The following LGR5 variants were observed in gnomAD, a reference collection of about 807,000 sequenced individuals.
LGR5 encodes the protein leucine rich repeat containing G protein-coupled receptor 5.
A neutral mutation model predicts 76.7 loss-of-function variants in LGR5; 54 were observed. The ratio of observed to expected loss-of-function variants is 0.70; its 90% confidence interval spans 0.57 to 0.88. The LOEUF (loss-of-function observed/expected upper bound fraction) is 0.88, where lower values mean the gene tolerates loss of function less well. Among genes scored for constraint, LGR5 ranks in the 40% least tolerant of loss-of-function variants. The pLI, the probability that LGR5 is intolerant of heterozygous loss-of-function variation, is 0.00. For missense variants in LGR5, 1,078 were observed against 1,073.3 expected (o/e 1.00, Z -0.06); for synonymous variants, 406 against 421.9 (o/e 0.96, Z 0.46).
chr12:71,543,402 C>T (rs1320164511), intron 4 of LGR5, among the ~76,000 whole-genome samples: 1 of 152,106 alleles, frequency 6.6e-6, no homozygotes, highest in Non-Finnish European at 1.5e-5. Context: ...CAGGAAAGAA[C>T]CATGATATTA....
Position 71,572,854 on chromosome 12 carries a change from C to G in LGR5, c.1141C>G (p.Leu381Val). 2.5e-6 allele frequency: 4 copies of G among 1,612,648 alleles called. No homozygotes were observed. The highest frequency in any genetic ancestry group is 3.4e-6 in the Non-Finnish European group (4 of 1,178,816). Reference sequence around the variant, plus strand: ...TTTGGAACCCTGTCATTTCAGTGACCTAAGACATAATGAAATCTACGAAAT... The same window carrying G: ...TTTGGAACCCTGTCATTTCAGTGACGTAAGACATAATGAAATCTACGAAAT... ...SVCQKLQKID[L>V]RHNEIYEIKV... is the part of the protein sequence containing the mutation. Residue 381 changes from leucine to valine, a missense_variant, in exon 13 of 18, where the codon CTA becomes GTA. By Grantham distance (32) the Leu-to-Val change is conservative. Coordinates refer to ENST00000266674, the MANE Select transcript of LGR5 (RefSeq NM_003667.4).
intron 5 of LGR5, 83 bp from the exon 6 acceptor site, chr12:71,556,536 G>A (rs117367280): frequency 0.028 from 26,117 of 935,254 alleles, 512 homozygotes; most frequent in Middle Eastern, 0.039. Context: ...TTCAGTATAT[G>A]TTTCTTTGGA....
At chr12:71,469,032 G>A (rs1279136498) in intron 1 of LGR5, among the ~76,000 whole-genome samples, 1 of 152,044 alleles carries the variant, frequency 6.6e-6, no homozygotes, top group Non-Finnish European at 1.5e-5. Context: ...TTTAGATTTT[G>A]TTCAATTTTT....
intron 1 of LGR5, among the ~76,000 whole-genome samples, chr12:71,492,162 T>C (rs1039532452): frequency 6.6e-6 from 1 of 152,068 alleles, no homozygotes; most frequent in African/African-American, 2.4e-5. Context: ...TCCAGAAAGG[T>C]TGGGGTTGGT....
In LGR5 at chr12:71,453,380, A is replaced by C. The variant is rs114484368; in HGVS notation, c.212+13088A>C. On this transcript the variant is annotated intron_variant, in intron 1 of 17. Coordinates refer to ENST00000266674, the MANE Select transcript of LGR5 (RefSeq NM_003667.4). ...GTCACAGAGAGTAGGCTGATGGCAC[A>C]ATGTTAGGAGTCTACTCCTCAGATA... is the stretch of plus-strand genomic sequence containing the variant. Among the ~76,000 whole-genome samples, 1,446 of 152,240 alleles carry C rather than the reference A, an allele frequency of 9.5e-3. 25 individuals carry two copies. The highest frequency in any genetic ancestry group is 0.033 in the African/African-American group (1,373 of 41,532).
At chr12:71,464,047 A>G (rs1755002129) in intron 1 of LGR5, among the ~76,000 whole-genome samples, 1 of 152,172 alleles carries the variant, frequency 6.6e-6, no homozygotes, top group Non-Finnish European at 1.5e-5. Context: ...AAAATATGTT[A>G]TTGTAGGGTG....
rs200968961 is a variant in LGR5 at position 71,449,089 on chromosome 12, G to A, written c.212+8797G>A. On this transcript the variant is annotated intron_variant, in intron 1 of 17. Transcript: ENST00000266674. ...CTAGACACCTGTTCCCAGGGGATACGCTTCTCCTGTGTCTCTCTTTGCCTT... is the reference window on the plus strand; with the variant it reads ...CTAGACACCTGTTCCCAGGGGATACACTTCTCCTGTGTCTCTCTTTGCCTT... Among the ~76,000 whole-genome samples the A allele has an allele frequency of 7.7e-4, 117 of 152,340 alleles. 5 individuals are homozygous for A. The South Asian group carries it at 0.023, about 30-fold the overall frequency.
chr12:71,578,920 C>T lies in LGR5; in HGVS notation c.1397C>T (p.Pro466Leu). The change falls in exon 15 of 18, where the codon CCA becomes CTA. Residue 466 changes from proline to leucine, a missense_variant. By Grantham distance (98) the Pro-to-Leu change is moderately conservative. Coordinates refer to ENST00000266674, the MANE Select transcript of LGR5 (RefSeq NM_003667.4). ...AGCTTGATATCATCTGAAAACTTTC[C>T]AGAACTCAAGTGAGTTTGTCATTAA... ...LQSLISSENF[P>L]ELKVIEMPYA... The T allele has an allele frequency of 6.3e-7, 1 of 1,598,962 alleles. No homozygotes were observed. Among genetic ancestry groups the T allele is most frequent in the South Asian group, 1.1e-5 (1 of 87,606 alleles).
At chr12:71,450,299 G>C (rs774846960) in intron 1 of LGR5, among the ~76,000 whole-genome samples, 42 of 152,228 alleles carry the variant, frequency 2.8e-4, no homozygotes, top group Non-Finnish European at 4.4e-4. Flanking sequence ...TCCATATCTA[G>C]ATATATACCT....
chr12:71,572,728 T>C, intron 12 of LGR5, 122 bp from the exon 13 acceptor site: 1 of 670,716 alleles, frequency 1.5e-6, no homozygotes, highest in Non-Finnish European at 2.6e-6. Flanking sequence ...AGTCACTTGA[T>C]AGATACACTT....
chr12:71,460,015 A>G (rs1029882279), intron 1 of LGR5, among the ~76,000 whole-genome samples: 28 of 152,068 alleles, frequency 1.8e-4, no homozygotes, highest in African/African-American at 6.3e-4. Flanking sequence ...AGAGGTTGGT[A>G]TAATGTCCTG....
At chr12:71,581,608 A>G (rs1395516114) in intron 16 of LGR5, among the ~76,000 whole-genome samples, 4 of 152,202 alleles carry the variant, frequency 2.6e-5, no homozygotes, top group Non-Finnish European at 5.9e-5. Flanking sequence ...AGGCCACAGC[A>G]TGTGTCTTGT....
chr12:71,575,720 A>ATGTGTG (rs1348350211), intron 13 of LGR5, among the ~76,000 whole-genome samples: 4 of 122,738 alleles, frequency 3.3e-5, no homozygotes, highest in African/African-American at 1.6e-4. Context: ...CAAAAAATAT[A>ATGTGTG]TATGTGTGTG....
At chr12:71,572,472 T>C (rs1215034924) in intron 12 of LGR5, among the ~76,000 whole-genome samples, 3 of 152,148 alleles carry the variant, frequency 2.0e-5, no homozygotes, top group Non-Finnish European at 4.4e-5. Flanking sequence ...TCAATGCCTT[T>C]GGGTGCTTAA....
intron 1 of LGR5, among the ~76,000 whole-genome samples, chr12:71,468,433 T>C (rs764090400): frequency 6.6e-6 from 1 of 152,226 alleles, no homozygotes; most frequent in Admixed American, 6.5e-5. Context: ...GAAATGACTA[T>C]GTACCCAAGG....
chr12:71,439,541 C>T (rs944261328), upstream of LGR5, among the ~76,000 whole-genome samples: 1 of 152,012 alleles, frequency 6.6e-6, no homozygotes, highest in African/African-American at 2.4e-5. Context: ...TGGGGGGGTC[C>T]CCTATTCCGG....
At chr12:71,454,287 T>C (rs1872372945) in intron 1 of LGR5, among the ~76,000 whole-genome samples, 4 of 152,298 alleles carry the variant, frequency 2.6e-5, no homozygotes, top group Middle Eastern at 3.4e-3. Flanking sequence ...ACTGAATTAA[T>C]AAACCAGGAA....
At chr12:71,526,877 G>A (rs1158710659) in intron 3 of LGR5, among the ~76,000 whole-genome samples, 1 of 152,108 alleles carries the variant, frequency 6.6e-6, no homozygotes, top group Non-Finnish European at 1.5e-5. Context: ...GCCGACTGAG[G>A]GGACAATACG....
chr12:71,537,216 G>A (rs1425978733), intron 4 of LGR5, among the ~76,000 whole-genome samples: 1 of 151,734 alleles, frequency 6.6e-6, no homozygotes, highest in Non-Finnish European at 1.5e-5. Flanking sequence ...TATGTTGGGA[G>A]GTTAAAGTGG....
Sources: gnomAD v4.1 joint callset for allele counts (sites outside exome capture counted in the v4.1 genomes callset) on GRCh38, gnomAD v4.1.1 for gene constraint, MANE v1.5 for transcripts, NCBI Gene and HGNC (gene_info 2026-07-23, HGNC 2026-07-21) for gene names.